The following ITGA2 variants were observed in gnomAD, a reference collection of about 807,000 sequenced individuals.
The protein encoded by ITGA2 is integrin subunit alpha 2.
Under a neutral mutation model 146.3 loss-of-function variants are expected in ITGA2, and 101 were observed. The observed-to-expected ratio is 0.69, with a 90% CI of 0.59 to 0.81. The LOEUF is 0.81. Ranked by LOEUF, ITGA2 falls within the 40% of genes least tolerant of loss-of-function variation. The pLI, the probability that ITGA2 is intolerant of heterozygous loss-of-function variation, is 0.00. For missense variants in ITGA2, 1,281 were observed against 1,402.7 expected (o/e 0.91, Z 1.39); for synonymous variants, 477 against 487.1 (o/e 0.98, Z 0.27).
In ITGA2 at chr5:53,090,788, G is replaced by C; in HGVS notation, c.*189G>C. On this transcript the variant is annotated 3_prime_UTR_variant, in exon 30 of 30. Transcript: ENST00000296585. ...TGTGGGGGGTGGGGGAGGTGCGGGGGGCAGGTAGGGAAATAATAGGGAAAA... is the reference window on the plus strand; with the variant it reads ...TGTGGGGGGTGGGGGAGGTGCGGGGCGCAGGTAGGGAAATAATAGGGAAAA... 5 of 408,748 alleles carry C rather than the reference G, an allele frequency of 1.2e-5. No homozygotes were observed. The highest frequency in any genetic ancestry group is 7.8e-4 in the Middle Eastern group (1 of 1,290). 25.3% of individuals were successfully genotyped at this position (408,748 alleles called of 1,614,324 possible).
chr5:53,005,710 T>C (rs1032116051), intron 1 of ITGA2, among the ~76,000 whole-genome samples: 6 of 152,136 alleles, frequency 3.9e-5, no homozygotes, highest in Non-Finnish European at 5.9e-5. Flanking sequence ...TACTAAGTAC[T>C]TACCATTTGT....
Position 53,048,407 on chromosome 5 carries a change from C to T in ITGA2, c.432C>T (p.Tyr144=), listed in dbSNP as rs571449304. 2 of 1,614,146 alleles carry T rather than the reference C, an allele frequency of 1.2e-6. No individual in the cohort carries two copies. Among genetic ancestry groups the T allele is most frequent in the South Asian group, 2.2e-5 (2 of 91,080 alleles). ...CACAGCAATGTGGGAATCAGTATTA[C>T]ACAACGGGTGTGTGTTCTGACATCA... is the stretch of plus-strand genomic sequence containing the variant. ...LWAQQCGNQY[Y]TTGVCSDISP... Residue 144 remains tyrosine (Y), a synonymous_variant, in exon 5 of 30, where the codon TAC becomes TAT. Transcript: ENST00000296585.
chr5:52,998,085 C>T (rs1741365619), intron 1 of ITGA2, among the ~76,000 whole-genome samples: 1 of 151,822 alleles, frequency 6.6e-6, no homozygotes. Context: ...TAATTTTTGC[C>T]CCTCAAATAA....
intron 1 of ITGA2, among the ~76,000 whole-genome samples, chr5:52,992,194 T>C (rs1249769265): frequency 6.6e-6 from 1 of 152,250 alleles, no homozygotes; most frequent in Non-Finnish European, 1.5e-5. Flanking sequence ...CCTGTACTTC[T>C]GGCTTCTGTT....
intron 7 of ITGA2, among the ~76,000 whole-genome samples, chr5:53,053,552 G>C (rs1744491444): frequency 6.6e-6 from 1 of 152,116 alleles, no homozygotes; most frequent in South Asian, 2.1e-4. Context: ...TGGGGCCCTG[G>C]CGAGCTTTGT....
intron 1 of ITGA2, among the ~76,000 whole-genome samples, chr5:53,001,730 C>T (rs181810582): frequency 2.7e-5 from 4 of 150,554 alleles, no homozygotes; most frequent in East Asian, 2.0e-4. Context: ...GTCCCAGCTA[C>T]GCCGGAGGAT....
At chr5:53,066,802 A>G (rs888593439) in intron 15 of ITGA2, among the ~76,000 whole-genome samples, 1 of 151,902 alleles carries the variant, frequency 6.6e-6, no homozygotes, top group Non-Finnish European at 1.5e-5. Flanking sequence ...AAGAAAATAT[A>G]TTTACTGAAT....
chr5:53,077,377 T>C (rs894675850), intron 23 of ITGA2, among the ~76,000 whole-genome samples: 1 of 150,966 alleles, frequency 6.6e-6, no homozygotes, highest in Admixed American at 6.6e-5. Context: ...TGTACAGTTA[T>C]ATTGTAAAAA....
chr5:53,072,720 G>A (rs1264772007), intron 19 of ITGA2, 25 bp downstream of exon 19: 1 of 1,544,598 alleles, frequency 6.5e-7, no homozygotes, highest in Non-Finnish European at 8.9e-7. Flanking sequence ...AAAGCTTGTT[G>A]TAAAATGTAG....
chr5:53,066,808 T>C (rs1213964556), intron 15 of ITGA2, among the ~76,000 whole-genome samples: 1 of 151,864 alleles, frequency 6.6e-6, no homozygotes. Context: ...ATATATTTAC[T>C]GAATAAATCA....
At chr5:53,054,663 A>T (rs926033293) in intron 7 of ITGA2, among the ~76,000 whole-genome samples, 2 of 152,154 alleles carry the variant, frequency 1.3e-5, no homozygotes, top group South Asian at 4.1e-4. Context: ...TGAGACCTTC[A>T]TGTATATACA....
intron 27 of ITGA2, among the ~76,000 whole-genome samples, chr5:53,085,267 T>G (rs1396305696): frequency 1.3e-5 from 2 of 152,140 alleles, no homozygotes; most frequent in Admixed American, 6.6e-5. Context: ...TTCAAGTAAT[T>G]TCATTACAAA....
intron 7 of ITGA2, among the ~76,000 whole-genome samples, chr5:53,052,758 G>A (rs766135266): frequency 6.6e-6 from 1 of 152,066 alleles, no homozygotes; most frequent in Non-Finnish European, 1.5e-5. Context: ...TCGAACTCCT[G>A]CCAAATTCTT....
intron 25 of ITGA2, among the ~76,000 whole-genome samples, chr5:53,081,219 G>A (rs1374867530): frequency 6.6e-6 from 1 of 152,142 alleles, no homozygotes; most frequent in African/African-American, 2.4e-5. Context: ...CTCATCTTCA[G>A]TCCAACAGTT....
chr5:53,006,425 T>C (rs1212424049), intron 1 of ITGA2, among the ~76,000 whole-genome samples: 3 of 152,228 alleles, frequency 2.0e-5, no homozygotes, highest in Non-Finnish European at 4.4e-5. Context: ...TATGTGTATA[T>C]AGGTATGTAT....
At position 53,065,108 on chromosome 5, in the gene ITGA2, A is replaced by G. The variant is rs914134309; in HGVS notation, c.1799A>G (p.Tyr600Cys). The change falls in exon 14 of 30, where the codon TAT becomes TGT. Residue 600 changes from tyrosine to cysteine, a missense_variant. Around this residue, in one of 3 missense-constraint regions of ITGA2, gnomAD observed 795 missense variants for 841.7 expected, o/e 0.94. Transcript: ENST00000296585. ...CATCAGGGCACTATCCGCACAAAGT[A>G]TTCCCAGGTAATCCATGAGCTGTTA... ...NGHQGTIRTKYSQKILGSDGA... is the reference protein window; with the variant it reads ...NGHQGTIRTKCSQKILGSDGA... 2 of 1,612,388 alleles carry G rather than the reference A, an allele frequency of 1.2e-6. No homozygotes were observed. Among genetic ancestry groups the G allele is most frequent in the Non-Finnish European group, 1.7e-6 (2 of 1,178,902 alleles).
chr5:53,015,069 T>G (rs1404869181), intron 1 of ITGA2, among the ~76,000 whole-genome samples: 1 of 152,150 alleles, frequency 6.6e-6, no homozygotes, highest in Non-Finnish European at 1.5e-5. Flanking sequence ...TTGATCTTTT[T>G]TATGGGTTTT....
chr5:53,057,832 A>T (rs986646218), intron 9 of ITGA2, among the ~76,000 whole-genome samples, 193 bp from the exon 10 acceptor site: 1 of 151,920 alleles, frequency 6.6e-6, no homozygotes, highest in Non-Finnish European at 1.5e-5. Flanking sequence ...TATTTCCATA[A>T]CCTGCTAGAA....
chr5:53,066,998 T>C (rs1349814006), intron 15 of ITGA2, 120 bp from the exon 16 acceptor site: 2 of 998,656 alleles, frequency 2.0e-6, no homozygotes, highest in South Asian at 1.4e-5. Context: ...GCTAAAGTGC[T>C]TTGATAGAGA....
Sources: allele counts gnomAD v4.1 joint callset (sites outside exome capture counted in the v4.1 genomes callset), GRCh38; gene constraint gnomAD v4.1.1; regional missense constraint gnomAD v4.1.1; transcripts MANE v1.5; gene names NCBI Gene and HGNC (gene_info 2026-07-23, HGNC 2026-07-21).